TMEM51: variants seen among roughly 807,000 people sequenced by gnomAD.
TMEM51 encodes chromosome 1 open reading frame 72.
Under a neutral mutation model 13.6 loss-of-function variants are expected in TMEM51, and 8 were observed. That is an observed-to-expected ratio of 0.59 (90% CI 0.35 to 1.07). The LOEUF is 1.07. Ranked by LOEUF, TMEM51 falls within the 50% of genes least tolerant of loss-of-function variation. The pLI is 0.02. For missense variants in TMEM51, 279 were observed against 330.7 expected (o/e 0.84, Z 1.21); for synonymous variants, 147 against 144.4 (o/e 1.02, Z -0.13).
intron 1 of TMEM51, among the ~76,000 whole-genome samples, chr1:15,193,163 TG>T (rs1476477098): frequency 4.6e-5 from 7 of 152,324 alleles, no homozygotes; most frequent in African/African-American, 1.4e-4. Context: ...CAGAACAGCC[TG>T]CGCTGTCATC....
chr1:15,219,368 C>T lies in TMEM51; in HGVS notation c.387C>T (p.Tyr129=). 2 of 1,607,166 alleles carry T rather than the reference C, an allele frequency of 1.2e-6. No individual in the cohort carries two copies. Among genetic ancestry groups the T allele is most frequent in the Non-Finnish European group, 1.7e-6 (2 of 1,175,334 alleles). ...AGGATGAGGAGGCTGCCTCAAGGTA[C>T]TATGTTCCCAGCTACGAGGAAGTGA... ...EEEDEEAASR[Y]YVPSYEEVMN... is the part of the protein sequence containing the mutation. The change falls in exon 4 of 4, where the codon TAC becomes TAT. Residue 129 remains tyrosine, a synonymous_variant. Coordinates refer to ENST00000376008, the MANE Select transcript of TMEM51 (RefSeq NM_001136218.2).
chr1:15,214,902 C>T lies in TMEM51; in HGVS notation c.-186C>T, dbSNP rs3753318. On this transcript the variant is annotated 5_prime_UTR_variant, in exon 3 of 4. Coordinates refer to ENST00000376008, the MANE Select transcript of TMEM51 (RefSeq NM_001136218.2). The stretch of plus-strand genomic sequence containing the variant: ...TTTCTGCTTTCCTTCCAGGCCCTTC[C>T]ACCGCAGCCATCCGCACGGGAGGCC... 0.16 allele frequency: 95,919 copies of T among 600,544 alleles called. 8,730 individuals carry two copies. Among genetic ancestry groups the T allele is most frequent in the East Asian group, 0.31 (11,149 of 35,606 alleles). The allele number at this position is 600,544 out of a possible 1,614,324, so 37.2% of individuals were successfully genotyped here. A position where few individuals can be genotyped will look rare whatever the true frequency, so the allele number is the denominator to read the frequency against.
intron 1 of TMEM51, among the ~76,000 whole-genome samples, chr1:15,180,254 C>A (rs1312793858): frequency 6.7e-6 from 1 of 150,072 alleles, no homozygotes; most frequent in Non-Finnish European, 1.5e-5. Context: ...AACCTAATTG[C>A]GGTCAAAGTC....
At chr1:15,173,766 C>T (rs1025095483) in intron 1 of TMEM51, among the ~76,000 whole-genome samples, 14 of 151,632 alleles carry the variant, frequency 9.2e-5, no homozygotes, top group Non-Finnish European at 1.8e-4. Flanking sequence ...CTTTCTTCAA[C>T]CTGGAATCTT....
intron 2 of TMEM51, among the ~76,000 whole-genome samples, chr1:15,210,819 A>G (rs1247998458): frequency 1.3e-5 from 2 of 152,188 alleles, no homozygotes; most frequent in Non-Finnish European, 2.9e-5. Context: ...GGAAAAGAAC[A>G]CCATGCTAAA....
At chr1:15,153,588 T>A (rs1032011586), upstream of TMEM51, 1 of 151,918 alleles carries the variant, frequency 6.6e-6, no homozygotes, top group African/African-American at 2.4e-5. Context: ...GGTGCCCGCC[T>A]CGCTCAGCTG....
intron 1 of TMEM51, among the ~76,000 whole-genome samples, chr1:15,203,410 C>G (rs561696755): frequency 6.6e-6 from 1 of 150,386 alleles, no homozygotes; most frequent in African/African-American, 2.5e-5. Context: ...GTGCGCCACC[C>G]CTCCCGGCTA....
At chr1:15,164,873 G>GCA (rs1642935626) in intron 1 of TMEM51, among the ~76,000 whole-genome samples, 2 of 147,472 alleles carry the variant, frequency 1.4e-5, no homozygotes, top group Admixed American at 6.9e-5. Flanking sequence ...CACAATCTCG[G>GCA]CTCACTGCAA....
chr1:15,164,420 T>C (rs1311542622), intron 1 of TMEM51: 2 of 456,026 alleles, frequency 4.4e-6, no homozygotes, highest in Non-Finnish European at 8.8e-6. Flanking sequence ...GCCTGATGTC[T>C]TCTCGTGACT....
intron 1 of TMEM51, among the ~76,000 whole-genome samples, chr1:15,178,331 T>G (rs1419182949): frequency 6.6e-6 from 1 of 152,152 alleles, no homozygotes; most frequent in African/African-American, 2.4e-5. Context: ...TCTATATCCT[T>G]GAGCTCAGCC....
At position 15,219,554 on chromosome 1, in the gene TMEM51, C is replaced by G. The variant is rs781176079; in HGVS notation, c.573C>G (p.Asn191Lys). The G allele has an allele frequency of 6.2e-7, 1 of 1,614,106 alleles. No individual in the cohort carries two copies. Among genetic ancestry groups the G allele is most frequent in the Admixed American group, 1.7e-5 (1 of 60,028 alleles). Residue 191 changes from asparagine (N) to lysine (K), a missense_variant, in exon 4 of 4, where the codon AAC becomes AAG. Coordinates refer to ENST00000376008, the MANE Select transcript of TMEM51 (RefSeq NM_001136218.2). ...CTGGGAACCCCCCTGACAGGCAGAA[C>G]TCTAAGTTGGCCAAACGACTGAAAC... ...ASPGNPPDRQ[N>K]SKLAKRLKPL... is the part of the protein sequence containing the mutation.
intron 1 of TMEM51, among the ~76,000 whole-genome samples, chr1:15,198,097 C>T (rs889861990): frequency 6.6e-6 from 1 of 152,160 alleles, no homozygotes; most frequent in Admixed American, 6.5e-5. Context: ...TCTTGCTGCT[C>T]TGCCAGTCTC....
chr1:15,169,561 T>C (rs893294877), intron 1 of TMEM51, among the ~76,000 whole-genome samples: 3 of 152,166 alleles, frequency 2.0e-5, no homozygotes, highest in African/African-American at 7.2e-5. Flanking sequence ...CCTTCCACCA[T>C]GTTACTGCTC....
At position 15,200,918 on chromosome 1, in the gene TMEM51, G is replaced by A. The variant is rs538347261; in HGVS notation, c.-266-9572G>A. 5.3e-5 allele frequency among the ~76,000 whole-genome samples: 8 copies of A among 152,120 alleles called. No individual in the cohort carries two copies. The South Asian group carries it at 1.0e-3, about 20-fold the overall frequency. On this transcript the variant is annotated intron_variant, in intron 1 of 3. Transcript: ENST00000376008. The stretch of plus-strand genomic sequence containing the variant: ...GACCTAGGGAAAGTTTCTGTCAGCC[G>A]CAGCACAGGGAGGATCTCTTCGTGG...
chr1:15,215,988 C>T (rs138909688), intron 3 of TMEM51, among the ~76,000 whole-genome samples: 9,228 of 151,840 alleles, frequency 0.061, 383 homozygotes, highest in Non-Finnish European at 0.095. Flanking sequence ...GCTGAGATAC[C>T]GCCACTGCAC....
At chr1:15,155,441 G>A (rs1161218350) in intron 1 of TMEM51, among the ~76,000 whole-genome samples, 2 of 152,262 alleles carry the variant, frequency 1.3e-5, no homozygotes, top group Admixed American at 1.3e-4. Context: ...CTCCAAGGGC[G>A]AGGTGGGGTA....
upstream of TMEM51, chr1:15,153,590 G>C (rs1300790251): frequency 6.6e-6 from 1 of 152,040 alleles, no homozygotes; most frequent in Non-Finnish European, 1.5e-5. Flanking sequence ...TGCCCGCCTC[G>C]CTCAGCTGCG....
chr1:15,178,939 C>T lies in TMEM51; in HGVS notation c.-267+24985C>T, dbSNP rs138824097. On this transcript the variant is annotated intron_variant, in intron 1 of 3. Transcript: ENST00000376008. Reference sequence around the variant, plus strand: ...CATGGGCTTTTAGCCCTCATATGAACGGCTGACATCATTAGTCAGAACAAA... The same window carrying T: ...CATGGGCTTTTAGCCCTCATATGAATGGCTGACATCATTAGTCAGAACAAA... 2.4e-4 allele frequency among the ~76,000 whole-genome samples: 36 copies of T among 152,304 alleles called. No homozygotes were observed. The East Asian group carries it at 6.2e-3, about 26-fold the overall frequency.
intron 1 of TMEM51, among the ~76,000 whole-genome samples, chr1:15,158,123 G>A (rs924276982): frequency 2.0e-5 from 3 of 151,634 alleles, no homozygotes; most frequent in African/African-American, 7.2e-5. Flanking sequence ...CGTCATTACA[G>A]TGCCTGTTAT....
Sources: gnomAD v4.1 joint callset for allele counts (sites outside exome capture counted in the v4.1 genomes callset) on GRCh38, gnomAD v4.1.1 for gene constraint, MANE v1.5 for transcripts, NCBI Gene and HGNC (gene_info 2026-07-23, HGNC 2026-07-21) for gene names.